Variants in EIF4G3 observed in about 807,000 individuals in gnomAD.
EIF4G3 encodes eIF-4-gamma 3.
A neutral mutation model predicts 186.4 loss-of-function variants in EIF4G3; 34 were observed. That is an observed-to-expected ratio of 0.18 (90% CI 0.14 to 0.24). EIF4G3 has a LOEUF of 0.24. EIF4G3 is among the 10% of genes least tolerant of loss of function. The pLI is 1.00. For missense variants in EIF4G3, 1,536 were observed against 1,948.5 expected, an observed-to-expected ratio of 0.79 and a Z score of 3.99; for synonymous variants, 673 against 679.5, an observed-to-expected ratio of 0.99 and a Z score of 0.15.
At chr1:21,079,223 G>T (rs2095686117) in intron 3 of EIF4G3, among the ~76,000 whole-genome samples, 1 of 152,114 alleles carries the variant, frequency 6.6e-6, no homozygotes, top group African/African-American at 2.4e-5. Context: ...CTCTGGCGAG[G>T]TATCTCCACT....
chr1:21,002,231 A>G (rs1451098069), intron 5 of EIF4G3, among the ~76,000 whole-genome samples: 1 of 152,236 alleles, frequency 6.6e-6, no homozygotes, highest in East Asian at 1.9e-4. Flanking sequence ...ACTCACTGGT[A>G]TATGTCATGC....
intron 30 of EIF4G3, among the ~76,000 whole-genome samples, chr1:20,833,684 G>A (rs1379538529): frequency 6.6e-6 from 1 of 152,094 alleles, no homozygotes; most frequent in Admixed American, 6.6e-5. Flanking sequence ...CATATAAACA[G>A]AGCCAAAGAC....
intron 4 of EIF4G3, among the ~76,000 whole-genome samples, chr1:21,025,041 T>C (rs2091849930): frequency 6.6e-6 from 1 of 152,172 alleles, no homozygotes; most frequent in Admixed American, 6.5e-5. Flanking sequence ...GATGGTGAGC[T>C]TGCAGTCAGC....
At chr1:21,012,315 T>A (rs1481712830) in intron 4 of EIF4G3, among the ~76,000 whole-genome samples, 1 of 152,132 alleles carries the variant, frequency 6.6e-6, no homozygotes, top group Admixed American at 6.5e-5. Flanking sequence ...TGCAACCTCA[T>A]GAGAAATTTT....
chr1:20,818,615 C>CT (rs990144865), intron 33 of EIF4G3, among the ~76,000 whole-genome samples: 4 of 151,816 alleles, frequency 2.6e-5, no homozygotes, highest in African/African-American at 9.7e-5. Context: ...GCTCTGCAGC[C>CT]TGGCAATAGG....
chr1:20,872,966 A>C (rs2079649301), intron 20 of EIF4G3, among the ~76,000 whole-genome samples: 1 of 152,016 alleles, frequency 6.6e-6, no homozygotes, highest in Admixed American at 6.6e-5. Context: ...TGAACTCCTG[A>C]CCTCAGGTAA....
At chr1:20,859,519 C>T (rs1328929737) in intron 24 of EIF4G3, among the ~76,000 whole-genome samples, 1 of 152,206 alleles carries the variant, frequency 6.6e-6, no homozygotes, top group African/African-American at 2.4e-5. Context: ...TTCCAACGTT[C>T]CTAAACTTAG....
intron 3 of EIF4G3, chr1:21,073,678 C>A (rs939884427): frequency 1.9e-6 from 1 of 517,074 alleles, no homozygotes; most frequent in South Asian, 1.4e-5. Flanking sequence ...GTATAAAGGT[C>A]GACAATTCTA....
At chr1:21,045,329 C>T (rs569470833) in intron 4 of EIF4G3, among the ~76,000 whole-genome samples, 17 of 152,128 alleles carry the variant, frequency 1.1e-4, no homozygotes, top group Non-Finnish European at 2.5e-4. Flanking sequence ...ATAAGCATCA[C>T]GATCAAGCAA....
chr1:21,091,072 T>C (rs1045765830), intron 2 of EIF4G3, among the ~76,000 whole-genome samples: 2 of 152,228 alleles, frequency 1.3e-5, no homozygotes, highest in Admixed American at 1.3e-4. Context: ...TTCACAAAGA[T>C]ACCGAACAGG....
At chr1:20,944,069 A>G (rs190609553) in intron 13 of EIF4G3, among the ~76,000 whole-genome samples, 16 of 150,106 alleles carry the variant, frequency 1.1e-4, no homozygotes, top group Non-Finnish European at 8.9e-5. Flanking sequence ...AACACACCAT[A>G]TATAACAAAT....
intron 3 of EIF4G3, among the ~76,000 whole-genome samples, chr1:21,068,687 T>C (rs934665268): frequency 6.6e-6 from 1 of 152,170 alleles, no homozygotes; most frequent in African/African-American, 2.4e-5. Flanking sequence ...AATGTAATTA[T>C]ACCTACCTCA....
At chr1:20,944,043 T>TGTGTGTTC in intron 13 of EIF4G3, among the ~76,000 whole-genome samples, 1 of 143,896 alleles carries the variant, frequency 6.9e-6, no homozygotes, top group South Asian at 2.2e-4. Context: ...TGTGTGTGTA[T>TGTGTGTTC]GTTCGTTCTA....
chr1:20,964,292 C>T (rs2074123970), intron 12 of EIF4G3, among the ~76,000 whole-genome samples: 1 of 152,136 alleles, frequency 6.6e-6, no homozygotes, highest in African/African-American at 2.4e-5. Context: ...ATCTAAGTAA[C>T]ACAGTGAAAA....
rs1184088421 is a variant in EIF4G3, at chr1:20,854,987, T to C, written c.3424A>G (p.Ser1142Gly). The change falls in exon 26 of 37, where the codon AGT becomes GGT. Residue 1142 changes from serine (S) to glycine (G), a missense_variant. Ser to Gly is a moderately conservative substitution (Grantham distance 56, BLOSUM62 0). This residue lies in a region of EIF4G3 where 395 missense variants were observed against 498.9 expected (regional missense o/e 0.79). Coordinates refer to ENST00000602326, the MANE Select transcript of EIF4G3 (RefSeq NM_001391906.1). ...GGACACACACACTTACCAGTCTCACTTGCCTTTGCTCCACCACTGCTGCCT... is the reference window on the plus strand; with the variant it reads ...GGACACACACACTTACCAGTCTCACCTGCCTTTGCTCCACCACTGCTGCCT... ...GKGSSGGAKASETDALRSSAS... is the reference protein window; with the variant it reads ...GKGSSGGAKAGETDALRSSAS... 6.2e-7 allele frequency: 1 copy of C among 1,613,640 alleles called. No homozygotes were observed. The highest frequency in any genetic ancestry group is 2.2e-5 in the East Asian group (1 of 44,838).
chr1:21,140,580 G>A (rs1372680981), intron 2 of EIF4G3, among the ~76,000 whole-genome samples: 3 of 152,198 alleles, frequency 2.0e-5, no homozygotes, highest in Non-Finnish European at 4.4e-5. Context: ...AAAGTGCTGG[G>A]ATTATAGGCG....
At chr1:21,037,129 A>G (rs1054562363) in intron 4 of EIF4G3, among the ~76,000 whole-genome samples, 1 of 152,084 alleles carries the variant, frequency 6.6e-6, no homozygotes, top group African/African-American at 2.4e-5. Context: ...CCCTCACAGA[A>G]TAAGGTCTCT....
At chr1:20,969,443 G>A (rs755897635) in intron 12 of EIF4G3, 31 bp downstream of exon 12, 3 of 1,612,570 alleles carry the variant, frequency 1.9e-6, no homozygotes, top group East Asian at 2.2e-5. Context: ...TGAACAAATA[G>A]TGCCATCCAT....
At position 21,176,578 on chromosome 1, in the gene EIF4G3, G is replaced by GCCGCCGCCT. The variant is rs2098115173; in HGVS notation, c.-456+143_-456+144insAGGCGGCGG. The GCCGCCGCCT allele has an allele frequency of 1.9e-5, 3 of 159,912 alleles. No individual in the cohort carries two copies. The East Asian group carries it at 5.5e-4, about 29-fold the overall frequency. 9.9% of individuals were successfully genotyped at this position (159,912 alleles called of 1,614,324 possible). ...GTCACACACGCCCGACGCCGCCGCC[G>GCCGCCGCCT]CCGCCGCCGCCGCCTCCGCCGCCGC... On this transcript the variant is annotated intron_variant, in intron 1 of 36. Coordinates refer to ENST00000602326, the MANE Select transcript of EIF4G3 (RefSeq NM_001391906.1).
Sources: allele counts gnomAD v4.1 joint callset (sites outside exome capture counted in the v4.1 genomes callset), GRCh38; gene constraint gnomAD v4.1.1; regional missense constraint gnomAD v4.1.1; transcripts MANE v1.5; gene names NCBI Gene and HGNC (gene_info 2026-07-23, HGNC 2026-07-21).